KALRN: variants seen among roughly 807,000 people sequenced by gnomAD.
KALRN encodes the protein kalirin.
Under a neutral mutation model 353.7 loss-of-function variants are expected in KALRN, and 70 were observed. The observed-to-expected ratio is 0.20, with a 90% CI of 0.16 to 0.24. The LOEUF is 0.24. KALRN is among the 10% of genes least tolerant of loss of function. The pLI, the probability that KALRN is intolerant of heterozygous loss-of-function variation, is 1.00. For synonymous variants in KALRN, 1,391 were observed against 1,434.8 expected (o/e 0.97, Z 0.69); for missense variants, 2,791 against 3,756.7 (o/e 0.74, Z 6.72).
chr3:124,453,539 A>C (rs1200914292), intron 21 of KALRN, among the ~76,000 whole-genome samples: 4 of 152,250 alleles, frequency 2.6e-5, no homozygotes, highest in Non-Finnish European at 5.9e-5. Flanking sequence ...GAATAAAGAA[A>C]GAAGGGCTCT....
intron 34 of KALRN, among the ~76,000 whole-genome samples, chr3:124,617,231 G>A (rs1578375093): frequency 6.6e-6 from 1 of 151,988 alleles, no homozygotes; most frequent in Non-Finnish European, 1.5e-5. Context: ...CTACTCAGAA[G>A]GCTGAGGTGG....
At position 124,645,656 on chromosome 3, in the gene KALRN, C is replaced by G. The variant is rs71618092; in HGVS notation, c.5665-5152C>G. Among the ~76,000 whole-genome samples, 338 of 92,950 alleles carry G rather than the reference C, an allele frequency of 3.6e-3. 1 individual carries two copies. Among genetic ancestry groups the G allele is most frequent in the African/African-American group, 0.012 (277 of 23,456 alleles). The allele number at this position is 92,950 out of a possible 152,430, so 61.0% of individuals were successfully genotyped here. ...TCTCTCTCTCTCTCTCTCTCTCTCT[C>G]TCTGTGCGTGTGTGTGTGTGTGTAT... On this transcript the variant is annotated intron_variant, in intron 37 of 59. Transcript: ENST00000682506.
intron 4 of KALRN, among the ~76,000 whole-genome samples, chr3:124,265,833 G>A (rs1048880002): frequency 1.3e-5 from 2 of 152,160 alleles, no homozygotes; most frequent in African/African-American, 4.8e-5. Flanking sequence ...AATACTGGCT[G>A]GGCGTGGTGA....
chr3:124,281,125 TC>T (rs1248656433), intron 5 of KALRN, among the ~76,000 whole-genome samples: 1 of 152,190 alleles, frequency 6.6e-6, no homozygotes, highest in Non-Finnish European at 1.5e-5. Flanking sequence ...CTAGCTGGAA[TC>T]CCAGAAGGGT....
At chr3:124,312,153 T>TCATTC (rs1447898148) in intron 6 of KALRN, among the ~76,000 whole-genome samples, 1 of 152,222 alleles carries the variant, frequency 6.6e-6, no homozygotes, top group Non-Finnish European at 1.5e-5. Context: ...TTATTTTATT[T>TCATTC]CATTCCATTT....
chr3:124,052,007 T>G (rs1161712808), intron 1 of KALRN, among the ~76,000 whole-genome samples: 1 of 152,144 alleles, frequency 6.6e-6, no homozygotes, highest in East Asian at 1.9e-4. Context: ...TCTACAATAT[T>G]ATGAACTGAA....
At chr3:124,113,160 C>T (rs2063148892) in intron 1 of KALRN, among the ~76,000 whole-genome samples, 1 of 152,194 alleles carries the variant, frequency 6.6e-6, no homozygotes, top group South Asian at 2.1e-4. Flanking sequence ...TAGCTCATAG[C>T]TCTACCACTT....
intron 1 of KALRN, among the ~76,000 whole-genome samples, chr3:124,042,298 G>GTTGGCA: frequency 6.6e-6 from 1 of 152,192 alleles, no homozygotes; most frequent in African/African-American, 2.4e-5. Context: ...ATATTTACTA[G>GTTGGCA]GCTCCTACAT....
intron 1 of KALRN, among the ~76,000 whole-genome samples, chr3:124,053,099 C>T (rs1394105795): frequency 2.0e-5 from 3 of 152,090 alleles, no homozygotes; most frequent in Admixed American, 6.5e-5. Flanking sequence ...TGCAGCGGCA[C>T]AATAGTTGCT....
At chr3:124,543,022 A>G (rs4028) in intron 33 of KALRN, among the ~76,000 whole-genome samples, 110,601 of 151,930 alleles carry the variant, frequency 0.73, 41,761 homozygotes, top group African/African-American at 0.91. Context: ...CATGGCTGTC[A>G]GCAGGCGGCC....
chr3:124,696,140 T>C lies in KALRN; in HGVS notation c.7584T>C (p.Ser2528=). The change falls in exon 54 of 60, where the codon TCT becomes TCC. Residue 2528 remains serine (S), a synonymous_variant. Coordinates refer to ENST00000682506, the MANE Select transcript of KALRN (RefSeq NM_001388419.1). ...ATCCTTTTGGTGTCCCTAGTGATTC[T>C]GGAGAAATCACCCTGAAGATCTGTA... ...SATYTVSSCD[S]GEITLKICNL... 6.2e-7 allele frequency: 1 copy of C among 1,613,936 alleles called. No individual in the cohort carries two copies. The highest frequency in any genetic ancestry group is 8.5e-7 in the Non-Finnish European group (1 of 1,179,820).
In KALRN at chr3:124,702,132, T is replaced by C. The variant is rs752677949; in HGVS notation, c.8075+16T>C. 7 of 1,559,864 alleles carry C rather than the reference T, an allele frequency of 4.5e-6. 1 individual carries two copies. In the South Asian group the frequency reaches 6.7e-5, roughly 15 times the overall value. On this transcript the variant is annotated intron_variant, in intron 57 of 59. Coordinates refer to ENST00000682506, the MANE Select transcript of KALRN (RefSeq NM_001388419.1). ...AAATTGGAAGGTAATGACACAGTTT[T>C]ATATTCCTTCATTCATGAACACCTA...
chr3:124,574,783 G>T (rs967739513), intron 34 of KALRN, among the ~76,000 whole-genome samples: 1 of 152,212 alleles, frequency 6.6e-6, no homozygotes, highest in East Asian at 1.9e-4. Flanking sequence ...AGAAGGCAAG[G>T]CAATGGTCTG....
At chr3:124,194,343 C>T (rs148902163) in intron 1 of KALRN, among the ~76,000 whole-genome samples, 105 of 152,122 alleles carry the variant, frequency 6.9e-4, no homozygotes, top group African/African-American at 2.5e-3. Flanking sequence ...GGAAGGAACT[C>T]CAGGGTTAGG....
chr3:124,410,509 C>T (rs1490444429), intron 13 of KALRN, among the ~76,000 whole-genome samples: 2 of 152,068 alleles, frequency 1.3e-5, no homozygotes, highest in East Asian at 1.9e-4. Flanking sequence ...AGTTAATTAA[C>T]TCAGTATTTT....
chr3:124,330,246 T>TCACACACACACACACACA (rs774251256), intron 8 of KALRN, among the ~76,000 whole-genome samples: 6 of 134,308 alleles, frequency 4.5e-5, no homozygotes, highest in Non-Finnish European at 7.9e-5. Context: ...TCTCTCTCTC[T>TCACACACACACACACACA]CACACACACA....
intron 4 of KALRN, 145 bp from the exon 5 acceptor site, chr3:124,268,598 G>A: frequency 1.3e-6 from 1 of 765,662 alleles, no homozygotes; most frequent in Non-Finnish European, 2.1e-6. Context: ...CCTGACCAGT[G>A]AGTCCCATGG....
intron 36 of KALRN, among the ~76,000 whole-genome samples, chr3:124,635,127 C>A (rs368619779): frequency 1.3e-5 from 2 of 152,126 alleles, no homozygotes; most frequent in African/African-American, 2.4e-5. Context: ...TCTTCAGGGC[C>A]AGCTCTTTGA....
intron 33 of KALRN, among the ~76,000 whole-genome samples, chr3:124,560,135 AC>A (rs2071786683): frequency 6.6e-6 from 1 of 152,146 alleles, no homozygotes. Context: ...TCTGATTGTA[AC>A]CCACCCTAGA....
Sources: gnomAD v4.1 joint callset for allele counts (sites outside exome capture counted in the v4.1 genomes callset) on GRCh38, gnomAD v4.1.1 for gene constraint, MANE v1.5 for transcripts, NCBI Gene and HGNC (gene_info 2026-07-23, HGNC 2026-07-21) for gene names.